PDE1A: variants seen among roughly 807,000 people sequenced by gnomAD.
PDE1A encodes the protein phosphodiesterase 1A, also known as dual specificity calcium/calmodulin-dependent 3',5'-cyclic nucleotide phosphodiesterase 1A.
Under a neutral mutation model 61.7 loss-of-function variants are expected in PDE1A, and 35 were observed. The ratio of observed to expected loss-of-function variants is 0.57; its 90% CI spans 0.43 to 0.75. The LOEUF is 0.75. Ranked by LOEUF, PDE1A falls within the 30% of genes least tolerant of loss-of-function variation. The probability of loss-of-function intolerance (pLI) is 0.00; values close to 1 mark genes in which losing one functional copy is unlikely to be tolerated. For missense variants in PDE1A, 597 were observed against 630.6 expected (o/e 0.95, Z 0.57); for synonymous variants, 232 against 213.2 (o/e 1.09, Z -0.77).
intron 2 of PDE1A, among the ~76,000 whole-genome samples, chr2:182,451,035 C>G (rs1424437764): frequency 6.6e-6 from 1 of 151,932 alleles, no homozygotes; most frequent in East Asian, 1.9e-4. Context: ...TTTAGATGAC[C>G]AATGCTATGG....
At chr2:182,153,720 G>A (rs535917604) in intron 13 of PDE1A, among the ~76,000 whole-genome samples, 1 of 152,120 alleles carries the variant, frequency 6.6e-6, no homozygotes, top group East Asian at 1.9e-4. Context: ...AAGAGTAGCA[G>A]GAATCAGCCA....
intron 2 of PDE1A, among the ~76,000 whole-genome samples, chr2:182,519,362 T>C (rs1292557412): frequency 2.6e-5 from 4 of 152,028 alleles, no homozygotes; most frequent in African/African-American, 9.7e-5. Context: ...GATGATGACT[T>C]GTAGTGTAGA....
At chr2:182,160,219 G>A (rs1691304509) in intron 13 of PDE1A, among the ~76,000 whole-genome samples, 1 of 152,152 alleles carries the variant, frequency 6.6e-6, no homozygotes, top group Non-Finnish European at 1.5e-5. Context: ...TGGGTGTAAT[G>A]TACTGCCTTT....
At chr2:182,146,277 A>C (rs1690490339), downstream of PDE1A, among the ~76,000 whole-genome samples, 2 of 152,190 alleles carry the variant, frequency 1.3e-5, no homozygotes, top group South Asian at 4.1e-4. Context: ...CTGAATTTTT[A>C]AAAAGAGAAC....
At chr2:182,434,231 G>A (rs1157768969) in intron 2 of PDE1A, among the ~76,000 whole-genome samples, 1 of 151,996 alleles carries the variant, frequency 6.6e-6, no homozygotes, top group Non-Finnish European at 1.5e-5. Context: ...AACAGACTCA[G>A]TGATCTCTTG....
At chr2:182,710,267 T>C in the PDE1A span, among the ~76,000 whole-genome samples, 1 of 152,210 alleles carries the variant, frequency 6.6e-6, no homozygotes, top group Non-Finnish European at 1.5e-5. Context: ...ATTCAACATA[T>C]ACAACATGAT....
intron 1 of PDE1A, among the ~76,000 whole-genome samples, chr2:182,285,182 G>A (rs541750975): frequency 6.6e-6 from 1 of 152,212 alleles, no homozygotes; most frequent in South Asian, 2.1e-4. Flanking sequence ...CTTCTGCACA[G>A]CTATATCTAA....
At chr2:182,422,734 T>C (rs1703360663) in intron 1 of PDE1A, among the ~76,000 whole-genome samples, 1 of 152,134 alleles carries the variant, frequency 6.6e-6, no homozygotes, top group Non-Finnish European at 1.5e-5. Flanking sequence ...TTATTATAAT[T>C]ACCAGAGATA....
intron 2 of PDE1A, among the ~76,000 whole-genome samples, chr2:182,443,168 G>T (rs1374015156): frequency 2.7e-5 from 4 of 150,784 alleles, no homozygotes; most frequent in African/African-American, 4.9e-5. Flanking sequence ...TTCTACCTCG[G>T]ATAATAATTA....
At chr2:182,478,128 C>T (rs916557980) in intron 2 of PDE1A, among the ~76,000 whole-genome samples, 1 of 151,808 alleles carries the variant, frequency 6.6e-6, no homozygotes, top group African/African-American at 2.4e-5. Context: ...CATTGCTAAA[C>T]TTTTTTTGTT....
At position 182,183,281 on chromosome 2, in the gene PDE1A, A is replaced by G. The variant is rs948181812; in HGVS notation, c.1516+2611T>C. The stretch of plus-strand genomic sequence containing the variant: ...CAGCATTAATAAAAACAACTATTCA[A>G]TGACTCTGGAAATCAACCAAAGGGA... On this transcript the variant is annotated intron_variant, in intron 13 of 13. Coordinates refer to ENST00000351439, the Ensembl canonical transcript of PDE1A. Among the ~76,000 whole-genome samples the G allele has an allele frequency of 3.3e-5, 5 of 152,206 alleles. No homozygotes were observed. The South Asian group carries it at 6.2e-4, about 19-fold the overall frequency.
the PDE1A span, among the ~76,000 whole-genome samples, chr2:182,672,050 A>T: frequency 6.6e-6 from 1 of 152,120 alleles, no homozygotes; most frequent in African/African-American, 2.4e-5. Context: ...ATGTGTCCAA[A>T]CTAATTTTTC....
At chr2:182,503,653 G>T (rs970251713) in intron 2 of PDE1A, among the ~76,000 whole-genome samples, 1 of 152,078 alleles carries the variant, frequency 6.6e-6, no homozygotes, top group Non-Finnish European at 1.5e-5. Flanking sequence ...CTTCATTAAG[G>T]TCTTTCTTCA....
chr2:182,325,278 A>T (rs919464414), intron 1 of PDE1A, among the ~76,000 whole-genome samples: 1 of 152,224 alleles, frequency 6.6e-6, no homozygotes, highest in Non-Finnish European at 1.5e-5. Flanking sequence ...GTGACTAAAA[A>T]GCATATGTGG....
the PDE1A span, among the ~76,000 whole-genome samples, chr2:182,621,463 A>G: frequency 6.6e-6 from 1 of 152,006 alleles, no homozygotes; most frequent in Admixed American, 6.6e-5. Flanking sequence ...CATCCTTTTT[A>G]CTCTCCAACC....
chr2:182,577,654 T>C, the PDE1A span, among the ~76,000 whole-genome samples: 8 of 152,314 alleles, frequency 5.3e-5, no homozygotes, highest in African/African-American at 1.7e-4. Context: ...ACTCATAGAA[T>C]TGCATTCATA....
chr2:182,496,742 G>T (rs1251926936), intron 2 of PDE1A, among the ~76,000 whole-genome samples: 3 of 152,244 alleles, frequency 2.0e-5, no homozygotes, highest in Non-Finnish European at 2.9e-5. Context: ...TAGGTATCTA[G>T]AGGCAGCGGA....
At chr2:182,549,603 TGTTA>T in the PDE1A span, among the ~76,000 whole-genome samples, 1 of 152,142 alleles carries the variant, frequency 6.6e-6, no homozygotes, top group African/African-American at 2.4e-5. Context: ...GATTATATTT[TGTTA>T]CAAATCATTC....
chr2:182,714,296 A>G, the PDE1A span, among the ~76,000 whole-genome samples: 2 of 152,136 alleles, frequency 1.3e-5, no homozygotes, highest in African/African-American at 4.8e-5. Context: ...TCCTTGGTCC[A>G]CAACTTTACT....
Sources: allele counts gnomAD v4.1 joint callset (sites outside exome capture counted in the v4.1 genomes callset), GRCh38; gene constraint gnomAD v4.1.1; transcripts MANE v1.5; gene names NCBI Gene and HGNC (gene_info 2026-07-23, HGNC 2026-07-21).